RBFOX1: variants seen among roughly 807,000 people sequenced by gnomAD.
RBFOX1 encodes the protein RNA binding fox-1 homolog 1, also known as RNA binding protein fox-1 homolog 1.
RBFOX1 carries 8 observed loss-of-function variants against 57.7 expected under a neutral mutation model. That is an observed-to-expected ratio of 0.14 (90% CI 0.08 to 0.25). The LOEUF is 0.25. Among genes scored for constraint, RBFOX1 ranks in the 10% least tolerant of loss-of-function variants. RBFOX1 has a pLI of 1.00. For synonymous variants in RBFOX1, 326 were observed against 222.4 expected (o/e 1.47, Z -4.15); for missense variants, 611 against 548.5 (o/e 1.11, Z -1.14).
At chr16:5,582,785 T>C (rs1255424416) in intron 2 of RBFOX1, among the ~76,000 whole-genome samples, 2 of 152,018 alleles carry the variant, frequency 1.3e-5, no homozygotes, top group African/African-American at 2.4e-5. Context: ...GGGAAGTTCA[T>C]TGAGGAGGTG....
In RBFOX1 at chr16:6,828,893, G is replaced by C. The variant is rs569226416; in HGVS notation, c.-16+174243G>C. ...CCCCTTGGCTAAAGAAACACATAAA[G>C]GTAGCAGCCCCAAATCCCCTTAGGC... On this transcript the variant is annotated intron_variant, in intron 3 of 15. Coordinates refer to ENST00000550418, the MANE Select transcript of RBFOX1 (RefSeq NM_018723.4). Among the ~76,000 whole-genome samples, 21 of 152,268 alleles carry C rather than the reference G, an allele frequency of 1.4e-4. 1 individual carries two copies. Among genetic ancestry groups the C allele is most frequent in the African/African-American group, 4.6e-4 (19 of 41,544 alleles).
intron 3 of RBFOX1, among the ~76,000 whole-genome samples, chr16:5,743,385 C>G (rs1489932837): frequency 2.0e-5 from 3 of 152,114 alleles, no homozygotes; most frequent in Admixed American, 6.5e-5. Context: ...TTCTCTTAAA[C>G]CAAATGAGAC....
intron 4 of RBFOX1, among the ~76,000 whole-genome samples, chr16:5,935,950 C>T (rs2059159325): frequency 6.6e-6 from 1 of 152,176 alleles, no homozygotes; most frequent in Non-Finnish European, 1.5e-5. Context: ...CCTGGAGGCC[C>T]TCAGGGCCTT....
At chr16:6,657,386 G>A (rs1224951840) in intron 3 of RBFOX1, among the ~76,000 whole-genome samples, 3 of 152,126 alleles carry the variant, frequency 2.0e-5, no homozygotes, top group African/African-American at 7.2e-5. Flanking sequence ...CAGTCAAGAA[G>A]CAAACGCTAA....
At chr16:6,057,496 G>A (rs949567721) in intron 1 of RBFOX1, among the ~76,000 whole-genome samples, 1 of 152,056 alleles carries the variant, frequency 6.6e-6, no homozygotes, top group African/African-American at 2.4e-5. Context: ...GACAGGCCTG[G>A]GTTAGGCTTT....
chr16:7,251,844 T>C (rs1285989806), intron 4 of RBFOX1, among the ~76,000 whole-genome samples: 1 of 152,218 alleles, frequency 6.6e-6, no homozygotes, highest in Non-Finnish European at 1.5e-5. Context: ...CCTTTGGATA[T>C]ATACACAGTA....
intron 3 of RBFOX1, among the ~76,000 whole-genome samples, chr16:6,987,238 A>G (rs541064622): frequency 3.3e-5 from 5 of 152,282 alleles, no homozygotes; most frequent in African/African-American, 1.2e-4. Flanking sequence ...GGCCCTGGTT[A>G]TGCACAGATT....
chr16:6,332,359 A>C (rs780653276), intron 2 of RBFOX1, among the ~76,000 whole-genome samples: 4 of 152,232 alleles, frequency 2.6e-5, no homozygotes, highest in Non-Finnish European at 5.9e-5. Context: ...TAAGACATAA[A>C]TAAGACTTTA....
intron 3 of RBFOX1, among the ~76,000 whole-genome samples, chr16:6,899,744 C>T (rs529106570): frequency 2.6e-5 from 4 of 152,286 alleles, no homozygotes; most frequent in African/African-American, 4.8e-5. Flanking sequence ...TTGTGCTGTC[C>T]CTCAACATTT....
intron 4 of RBFOX1, among the ~76,000 whole-genome samples, chr16:7,178,014 C>G (rs1286687464): frequency 1.3e-5 from 2 of 152,184 alleles, no homozygotes; most frequent in South Asian, 2.1e-4. Context: ...TTCAGAATCT[C>G]TGAGAGTAAA....
chr16:5,494,107 G>A (rs1023684136), intron 2 of RBFOX1, among the ~76,000 whole-genome samples: 2 of 152,104 alleles, frequency 1.3e-5, no homozygotes, highest in Non-Finnish European at 2.9e-5. Flanking sequence ...CCTTACTCAC[G>A]TGCTTTGCTG....
chr16:5,484,340 T>C (rs1402520159), intron 2 of RBFOX1, among the ~76,000 whole-genome samples: 1 of 152,206 alleles, frequency 6.6e-6, no homozygotes, highest in Non-Finnish European at 1.5e-5. Context: ...ACCCCTCCAG[T>C]AAGCAGCTCA....
At chr16:6,256,235 G>A (rs55923241) in intron 1 of RBFOX1, among the ~76,000 whole-genome samples, 25 of 72,844 alleles carry the variant, frequency 3.4e-4, no homozygotes, top group African/African-American at 6.7e-4. Context: ...ATATATATGT[G>A]TATATATATA....
intron 2 of RBFOX1, among the ~76,000 whole-genome samples, chr16:6,484,500 G>A (rs993970373): frequency 2.6e-5 from 4 of 152,112 alleles, no homozygotes; most frequent in Non-Finnish European, 5.9e-5. Flanking sequence ...GATCAAATGG[G>A]AGAAATGTGC....
chr16:7,017,467 G>A (rs1331818331), intron 3 of RBFOX1, among the ~76,000 whole-genome samples: 5 of 152,254 alleles, frequency 3.3e-5, no homozygotes, highest in Non-Finnish European at 7.4e-5. Context: ...ACACTGACGC[G>A]CGCACACATG....
At chr16:7,325,464 A>G (rs1350707531) in intron 4 of RBFOX1, among the ~76,000 whole-genome samples, 2 of 152,304 alleles carry the variant, frequency 1.3e-5, no homozygotes, top group South Asian at 2.1e-4. Context: ...AGGTGAGAGA[A>G]TGTAATGCCA....
chr16:6,483,578 C>A, intron 2 of RBFOX1: 1 of 1,529,338 alleles, frequency 6.5e-7, no homozygotes, highest in South Asian at 1.2e-5. Context: ...AAAACACTGT[C>A]AGGGAAGGAG....
At chr16:6,773,878 CTG>C (rs1227114528) in intron 3 of RBFOX1, 9 of 862,664 alleles carry the variant, frequency 1.0e-5, no homozygotes, top group Admixed American at 6.3e-5. Flanking sequence ...GTGCGTTTGT[CTG>C]TGTGTATTTG....
chr16:6,474,257 A>T (rs774842549), intron 2 of RBFOX1, among the ~76,000 whole-genome samples: 36 of 152,124 alleles, frequency 2.4e-4, no homozygotes, highest in Admixed American at 6.5e-4. Context: ...TCCCATTTCG[A>T]TGTGAGGGAA....
Sources: allele counts gnomAD v4.1 joint callset (sites outside exome capture counted in the v4.1 genomes callset), GRCh38; gene constraint gnomAD v4.1.1; transcripts MANE v1.5; gene names NCBI Gene and HGNC (gene_info 2026-07-23, HGNC 2026-07-21).